Variants in ZNF670 observed in about 807,000 individuals in gnomAD.
ZNF670 encodes zinc finger protein 670.
A neutral mutation model predicts 10.9 loss-of-function variants in ZNF670; 7 were observed. The ratio of observed to expected loss-of-function variants is 0.64; its 90% confidence interval spans 0.36 to 1.20. The LOEUF is 1.20. ZNF670 is among the 50% of genes most tolerant of loss of function. The pLI is 0.02. For missense variants in ZNF670, 446 were observed against 458.6 expected, an observed-to-expected ratio of 0.97 and a Z score of 0.25; for synonymous variants, 136 against 152.7, an observed-to-expected ratio of 0.89 and a Z score of 0.81.
At chr1:247,043,503 G>T in intron 1 of ZNF670, 1 of 651,604 alleles carries the variant, frequency 1.5e-6, no homozygotes. Context: ...AATAACAAAA[G>T]CTGGGATAAG....
intron 1 of ZNF670, among the ~76,000 whole-genome samples, chr1:247,040,283 C>T (rs2642959): frequency 0.99 from 150,967 of 152,368 alleles, 74,793 homozygotes; most frequent in Middle Eastern, 1. Context: ...CCAAATTAAA[C>T]CCAGTTGTAA....
chr1:247,068,450 T>C (rs1250793805), intron 1 of ZNF670, among the ~76,000 whole-genome samples: 1 of 149,220 alleles, frequency 6.7e-6, no homozygotes, highest in Non-Finnish European at 1.5e-5. Flanking sequence ...AAATCAAAAC[T>C]ACAATAGGAT....
chr1:247,064,009 T>A (rs1670926871), intron 1 of ZNF670, among the ~76,000 whole-genome samples: 1 of 152,228 alleles, frequency 6.6e-6, no homozygotes, highest in South Asian at 2.1e-4. Flanking sequence ...ACAGACTCTG[T>A]AGCTGACCAC....
intron 1 of ZNF670, among the ~76,000 whole-genome samples, chr1:247,047,283 T>C (rs550157755): frequency 1.3e-5 from 2 of 152,210 alleles, no homozygotes; most frequent in Non-Finnish European, 2.9e-5. Context: ...TGCCCTAGCA[T>C]AGATTCCCTA....
rs1426596138 is a variant in ZNF670, at chr1:247,038,347, T to C, written c.272A>G (p.Asn91Ser). ...TCCAGTAGAAACTTTCTTATTCAGA[T>C]TCAAATTTGAATCCTGGCTGAAGGT... ...GETFSQDSNLNLNKKVSTGVK... is the reference protein window; with the variant it reads ...GETFSQDSNLSLNKKVSTGVK... Residue 91 changes from asparagine (N) to serine (S), a missense_variant, in exon 4 of 4, where the codon AAT (asparagine) becomes AGT (serine). By Grantham distance (46) the Asn-to-Ser change is conservative. Transcript: ENST00000366503. 1.2e-6 allele frequency: 2 copies of C among 1,614,074 alleles called. No homozygotes were observed. The highest frequency in any genetic ancestry group is 2.7e-5 in the African/African-American group (2 of 74,942).
At chr1:247,051,027 G>C (rs1156962339) in intron 1 of ZNF670, among the ~76,000 whole-genome samples, 2 of 151,578 alleles carry the variant, frequency 1.3e-5, no homozygotes, top group Non-Finnish European at 1.5e-5. Context: ...AACTCCTTTA[G>C]GCCAGGTGCG....
Position 247,038,304 on chromosome 1 carries a change from G to T in ZNF670, c.315C>A (p.Cys105Ter). Residue 105 changes from cysteine to a stop codon, truncating the protein, a stop_gained, in exon 4 of 4, where the codon TGC becomes TGA. Coordinates refer to ENST00000366503, the MANE Select transcript of ZNF670 (RefSeq NM_033213.5). LOFTEE classifies it low-confidence loss of function (END_TRUNC). ...ATATGAAGACTTTTCCACACACACT[G>T]CATTCACATGGCTTTACTCCAGTAG... ...KVSTGVKPCE[C>*]SVCGKVFICH... The T allele has an allele frequency of 6.2e-7, 1 of 1,614,200 alleles. No individual in the cohort carries two copies. Among genetic ancestry groups the T allele is most frequent in the South Asian group, 1.1e-5 (1 of 91,080 alleles).
At position 247,039,387 on chromosome 1, in the gene ZNF670, G is replaced by C; in HGVS notation, c.130+24C>G. On this transcript the variant is annotated intron_variant, in intron 2 of 3. Coordinates refer to ENST00000366503, the MANE Select transcript of ZNF670 (RefSeq NM_033213.5). The stretch of plus-strand genomic sequence containing the variant: ...AAACACTTGCGTTGTAATCAACTAC[G>C]TGAATAAGTGTTGTTATTCTTACCT... The C allele has an allele frequency of 1.9e-6, 3 of 1,599,574 alleles. No individual in the cohort carries two copies. In the South Asian group the frequency reaches 3.4e-5, roughly 18 times the overall value.
chr1:247,076,328 C>T (rs944882408), intron 1 of ZNF670, among the ~76,000 whole-genome samples: 1 of 151,772 alleles, frequency 6.6e-6, no homozygotes, highest in Admixed American at 6.6e-5. Context: ...GTGATCTCAG[C>T]TCACTGCAAG....
intron 1 of ZNF670, among the ~76,000 whole-genome samples, chr1:247,072,804 G>GTATATATATA (rs74163726): frequency 0.059 from 2,746 of 46,706 alleles, 153 homozygotes; most frequent in East Asian, 0.15. Flanking sequence ...AAAAGTGTGT[G>GTATATATATA]TATATATATA....
intron 1 of ZNF670, among the ~76,000 whole-genome samples, chr1:247,073,557 C>T (rs535713150): frequency 6.6e-6 from 1 of 152,328 alleles, no homozygotes; most frequent in East Asian, 1.9e-4. Flanking sequence ...ATGCTTTCTT[C>T]TCCAGGGTCT....
intron 1 of ZNF670, among the ~76,000 whole-genome samples, chr1:247,069,572 T>A (rs573293890): frequency 6.6e-6 from 1 of 150,920 alleles, no homozygotes; most frequent in African/African-American, 2.5e-5. Context: ...CTGTTTACGA[T>A]AGCCAAAATT....
intron 3 of ZNF670, among the ~76,000 whole-genome samples, 167 bp from the exon 4 acceptor site, chr1:247,038,594 T>C (rs974275130): frequency 6.6e-6 from 1 of 152,242 alleles, no homozygotes; most frequent in African/African-American, 2.4e-5. Flanking sequence ...ATTATCATAA[T>C]TGTGATAGTC....
intron 1 of ZNF670, among the ~76,000 whole-genome samples, chr1:247,053,389 T>A (rs1486945930): frequency 6.6e-6 from 1 of 152,094 alleles, no homozygotes; most frequent in Non-Finnish European, 1.5e-5. Flanking sequence ...TCCCAGTACT[T>A]TGGGAGGCCG....
chr1:247,060,982 A>G (rs6677000), intron 1 of ZNF670, among the ~76,000 whole-genome samples: 84,949 of 151,920 alleles, frequency 0.56, 25,832 homozygotes, highest in African/African-American at 0.79. Flanking sequence ...TTTGTTTTAT[A>G]TATTTTCTGC....
At chr1:247,078,243 G>A (rs1671298754) in intron 1 of ZNF670, among the ~76,000 whole-genome samples, 1 of 152,208 alleles carries the variant, frequency 6.6e-6, no homozygotes, top group South Asian at 2.1e-4. Flanking sequence ...GGAGAAAGGA[G>A]GATTTGGAGA....
chr1:247,043,652 T>C (rs536383624), intron 1 of ZNF670: 602 of 531,016 alleles, frequency 1.1e-3, no homozygotes, highest in Non-Finnish European at 1.8e-3. Flanking sequence ...CTGGCTGCAG[T>C]GGGAGATTAT....
Position 247,069,171 on chromosome 1 carries a change from G to A in ZNF670, c.3+9423C>T, listed in dbSNP as rs140025565. Among the ~76,000 whole-genome samples the A allele has an allele frequency of 6.5e-4, 98 of 151,114 alleles. 5 individuals are homozygous for A. The highest frequency in any genetic ancestry group is 2.1e-3 in the African/African-American group (86 of 40,506). ...TGATAACTTAATTGTACATTTTAAC[G>A]TAACTTAAAGAGTGTAATTTGATTG... On this transcript the variant is annotated intron_variant, in intron 1 of 3. Coordinates refer to ENST00000366503, the MANE Select transcript of ZNF670 (RefSeq NM_033213.5).
At chr1:247,039,270 A>G in intron 2 of ZNF670, 141 bp downstream of exon 2, 1 of 873,362 alleles carries the variant, frequency 1.1e-6, no homozygotes, top group East Asian at 3.3e-5. Context: ...CATGTTGGCC[A>G]GGCTGGTCTT....
Sources: gnomAD v4.1 joint callset for allele counts (sites outside exome capture counted in the v4.1 genomes callset) on GRCh38, gnomAD v4.1.1 for gene constraint, MANE v1.5 for transcripts, NCBI Gene and HGNC (gene_info 2026-07-23, HGNC 2026-07-21) for gene names.